DLG1: variants seen among roughly 807,000 people sequenced by gnomAD.
The protein encoded by DLG1 is discs large MAGUK scaffold protein 1, also known as disks large homolog 1.
A neutral mutation model predicts 123.4 loss-of-function variants in DLG1; 42 were observed. The observed-to-expected ratio is 0.34, with a 90% CI of 0.27 to 0.44. The LOEUF is 0.44. Among genes scored for constraint, DLG1 ranks in the 20% least tolerant of loss-of-function variants. The pLI is 1.00. For missense variants in DLG1, 942 were observed against 1,082.6 expected, an observed-to-expected ratio of 0.87 and a Z score of 1.82; for synonymous variants, 317 against 356.2, an observed-to-expected ratio of 0.89 and a Z score of 1.24.
At chr3:197,069,325 A>C in intron 18 of DLG1, 65 bp from the exon 19 acceptor site, 1 of 1,146,748 alleles carries the variant, frequency 8.7e-7, no homozygotes, top group Non-Finnish European at 1.2e-6. Flanking sequence ...AAATAATCAA[A>C]ATGAAATGTT....
Position 197,119,496 on chromosome 3 carries a change from T to C in DLG1, c.1200A>G (p.Pro400=), listed in dbSNP as rs374248381. 6.2e-6 allele frequency: 10 copies of C among 1,611,452 alleles called. No homozygotes were observed. Among genetic ancestry groups the C allele is most frequent in the Non-Finnish European group, 8.5e-6 (10 of 1,178,298 alleles). Residue 400 remains proline, a synonymous_variant, in exon 12 of 25, where the codon CCA becomes CCG. Transcript: ENST00000667157. The stretch of plus-strand genomic sequence containing the variant: ...CTGGTGTCTGGCCCAAGAAGGAAGA[T>C]GGGCTAACATGGTTATCAACAGGCT... ...SSQPVDNHVS[P]SSFLGQTPAS... is the part of the protein sequence containing the mutation.
chr3:197,055,321 TCTAA>T (rs1730924522), intron 23 of DLG1, among the ~76,000 whole-genome samples: 2 of 152,212 alleles, frequency 1.3e-5, no homozygotes, highest in Admixed American at 1.3e-4. Context: ...CTTTATTAAG[TCTAA>T]CTCTTTCTCA....
intron 3 of DLG1, among the ~76,000 whole-genome samples, chr3:197,288,207 T>C (rs1772770232): frequency 6.6e-6 from 1 of 151,212 alleles, no homozygotes; most frequent in African/African-American, 2.4e-5. Flanking sequence ...CTACTAAAAA[T>C]GCAAAAACTA....
intron 5 of DLG1, among the ~76,000 whole-genome samples, chr3:197,193,761 A>T (rs1720916966): frequency 1.3e-5 from 2 of 152,126 alleles, no homozygotes; most frequent in Admixed American, 6.6e-5. Context: ...GTTACTTCTG[A>T]GGGGAGAGAT....
At position 197,125,951 on chromosome 3, in the gene DLG1, T is replaced by C. The variant is rs1375757710; in HGVS notation, c.1165+4576A>G. ...GTGACTGTGCAGGCTTCAGAAGAAC[T>C]GACAAGTAAAACTCACTTATGTAAA... On this transcript the variant is annotated intron_variant, in intron 11 of 24. Coordinates refer to ENST00000667157, the MANE Select transcript of DLG1 (RefSeq NM_001366207.1). Among the ~76,000 whole-genome samples the C allele has an allele frequency of 2.0e-5, 3 of 151,958 alleles. No individual in the cohort carries two copies. The East Asian group carries it at 5.8e-4, about 29-fold the overall frequency.
chr3:197,102,417 T>C (rs1763986772), intron 14 of DLG1, among the ~76,000 whole-genome samples: 1 of 152,238 alleles, frequency 6.6e-6, no homozygotes, highest in South Asian at 2.1e-4. Flanking sequence ...AGATACTAAC[T>C]GCAAGATGCT....
intron 11 of DLG1, among the ~76,000 whole-genome samples, chr3:197,129,644 T>A (rs1303683281): frequency 6.6e-6 from 1 of 152,250 alleles, no homozygotes; most frequent in Non-Finnish European, 1.5e-5. Context: ...CCATTGAACA[T>A]GCCTTCCTCA....
Position 197,044,476 on chromosome 3 carries a change from C to A in DLG1, c.*147G>T. 1.9e-6 allele frequency: 1 copy of A among 515,694 alleles called. No individual in the cohort carries two copies. Among genetic ancestry groups the A allele is most frequent in the Non-Finnish European group, 3.5e-6 (1 of 288,662 alleles). 31.9% of individuals were successfully genotyped at this position (515,694 alleles called of 1,614,324 possible). A position where few individuals can be genotyped will look rare whatever the true frequency, so the allele number is the denominator to read the frequency against. ...CACACGATGTAACTTGAAGGAGACA[C>A]TACATGTGAAAAAGAAGCTGCAGAC... On this transcript the variant is annotated 3_prime_UTR_variant, in exon 25 of 25. Transcript: ENST00000667157.
chr3:197,114,514 T>TTC (rs1185285933), intron 13 of DLG1, among the ~76,000 whole-genome samples: 60 of 152,202 alleles, frequency 3.9e-4, no homozygotes, highest in African/African-American at 1.4e-3. Flanking sequence ...TGAAATAAAA[T>TTC]AAAGATACTT....
At chr3:197,050,211 C>CA (rs1258906312) in intron 24 of DLG1, among the ~76,000 whole-genome samples, 2 of 151,400 alleles carry the variant, frequency 1.3e-5, no homozygotes, top group African/African-American at 4.9e-5. Flanking sequence ...ACTAAAAATA[C>CA]AAAAAATTAG....
chr3:197,046,916 G>A (rs984881526), intron 24 of DLG1, among the ~76,000 whole-genome samples: 1 of 139,872 alleles, frequency 7.1e-6, no homozygotes, highest in Non-Finnish European at 1.5e-5. Context: ...AAAACAAAAC[G>A]AAACAAAAAA....
At chr3:197,127,495 TAA>T (rs774116138) in intron 11 of DLG1, among the ~76,000 whole-genome samples, 1 of 49,424 alleles carries the variant, frequency 2.0e-5, no homozygotes, top group Non-Finnish European at 3.9e-5. Flanking sequence ...TATATATATA[TAA>T]AGTAAGAAAC....
intron 4 of DLG1, among the ~76,000 whole-genome samples, chr3:197,262,841 G>T (rs999305422): frequency 6.6e-6 from 1 of 152,092 alleles, no homozygotes; most frequent in Non-Finnish European, 1.5e-5. Context: ...GGGAAAAAAT[G>T]GTTTTTCTCC....
At chr3:197,157,421 A>C (rs1796849641) in intron 5 of DLG1, among the ~76,000 whole-genome samples, 1 of 152,234 alleles carries the variant, frequency 6.6e-6, no homozygotes, top group South Asian at 2.1e-4. Context: ...AATTCTGTTT[A>C]TTATAGCATC....
In DLG1 at chr3:197,107,804, CTTT is replaced by C. The variant is rs542696810; in HGVS notation, c.1444-2802_1444-2800del. 2.2e-5 allele frequency among the ~76,000 whole-genome samples: 3 copies of C among 139,438 alleles called. No homozygotes were observed. The South Asian group carries it at 7.0e-4, about 32-fold the overall frequency. 91.5% of individuals were successfully genotyped at this position (139,438 alleles called of 152,430 possible). A position where few individuals can be genotyped will look rare whatever the true frequency, so the allele number is the denominator to read the frequency against. On this transcript the variant is annotated intron_variant, in intron 13 of 24. Coordinates refer to ENST00000667157, the MANE Select transcript of DLG1 (RefSeq NM_001366207.1). ...TTTTCTTGCTTTTTATTCTGGTAGC[CTTT>C]TTTTTTTTTTAATCTTGCCTAATTT...
chr3:197,107,863 G>T lies in DLG1; in HGVS notation c.1444-2858C>A, dbSNP rs1579340178. Among the ~76,000 whole-genome samples, 5 of 150,808 alleles carry T rather than the reference G, an allele frequency of 3.3e-5. 1 individual carries two copies. On this transcript the variant is annotated intron_variant, in intron 13 of 24. Transcript: ENST00000667157. ...ACCTCCAGGACAATGTTGAATAGAA[G>T]TAGGAAGAGCAGATACCCTTGTCTT...
At chr3:197,260,853 T>A (rs1759098445) in intron 4 of DLG1, among the ~76,000 whole-genome samples, 1 of 147,354 alleles carries the variant, frequency 6.8e-6, no homozygotes, top group Admixed American at 6.8e-5. Context: ...TGCAAAGTAA[T>A]GACTTTCTCG....
At chr3:197,283,217 C>T (rs922254066) in intron 3 of DLG1, among the ~76,000 whole-genome samples, 2 of 152,160 alleles carry the variant, frequency 1.3e-5, no homozygotes, top group African/African-American at 4.8e-5. Flanking sequence ...CACTATAGCA[C>T]AGAATAGGCT....
chr3:197,121,039 TTC>T (rs1211881600), intron 11 of DLG1, among the ~76,000 whole-genome samples: 1 of 150,646 alleles, frequency 6.6e-6, no homozygotes, highest in Non-Finnish European at 1.5e-5. Flanking sequence ...GACTCTTAAA[TTC>T]TTTTGCTGCA....
Sources: allele counts gnomAD v4.1 joint callset (sites outside exome capture counted in the v4.1 genomes callset), GRCh38; gene constraint gnomAD v4.1.1; transcripts MANE v1.5; gene names NCBI Gene and HGNC (gene_info 2026-07-23, HGNC 2026-07-21).